The following SYNE2 variants were observed in gnomAD, a reference collection of about 807,000 sequenced individuals.
SYNE2 encodes the protein spectrin repeat containing nuclear envelope protein 2, also known as nesprin-2.
A neutral mutation model predicts 856.3 loss-of-function variants in SYNE2; 431 were observed. That is an observed-to-expected ratio of 0.50 (90% CI 0.47 to 0.55). The LOEUF (loss-of-function observed/expected upper bound fraction) is 0.55, where lower values mean the gene tolerates loss of function less well. SYNE2 is among the 20% of genes least tolerant of loss of function. The pLI, the probability that SYNE2 is intolerant of heterozygous loss-of-function variation, is 0.00. For missense variants in SYNE2, 8,129 were observed against 8,023.2 expected (o/e 1.01, Z -0.50); for synonymous variants, 2,923 against 2,872.3 (o/e 1.02, Z -0.56).
At chr14:63,933,292 A>G (rs551698390) in intron 2 of SYNE2, among the ~76,000 whole-genome samples, 12 of 152,206 alleles carry the variant, frequency 7.9e-5, no homozygotes, top group Non-Finnish European at 1.6e-4. Flanking sequence ...TCCTGGAGTC[A>G]GCATTTTAAA....
At chr14:63,948,770 G>GTGTATATA (rs1555393662) in intron 6 of SYNE2, among the ~76,000 whole-genome samples, 4,265 of 79,380 alleles carry the variant, frequency 0.054, 303 homozygotes, top group Admixed American at 0.082. Context: ...GTATATATAT[G>GTGTATATA]TATGTGTGTG....
At chr14:63,797,078 CAAAA>C (rs372872575) in intron 1 of SYNE2, among the ~76,000 whole-genome samples, 3 of 70,364 alleles carry the variant, frequency 4.3e-5, no homozygotes, top group Non-Finnish European at 6.1e-5. Context: ...GACTTCATCT[CAAAA>C]AAAAAAAAAA....
At chr14:64,188,808 C>T in intron 98 of SYNE2, 100 bp downstream of exon 98, 1 of 1,295,762 alleles carries the variant, frequency 7.7e-7, no homozygotes, top group Non-Finnish European at 1.1e-6. Flanking sequence ...CGGGTGTTTC[C>T]AGTAGCATTT....
At chr14:64,058,852 CT>C (rs2097294257) in intron 49 of SYNE2, among the ~76,000 whole-genome samples, 1 of 151,892 alleles carries the variant, frequency 6.6e-6, no homozygotes, top group African/African-American at 2.4e-5. Context: ...TTTTTCTATT[CT>C]TTTTTCTTTT....
chr14:64,043,120 C>T (rs2097160845), intron 45 of SYNE2, among the ~76,000 whole-genome samples: 1 of 152,166 alleles, frequency 6.6e-6, no homozygotes, highest in Admixed American at 6.5e-5. Context: ...GGATTGGTGG[C>T]ATTTTGCCCC....
intron 1 of SYNE2, among the ~76,000 whole-genome samples, chr14:63,873,160 A>G (rs1315308621): frequency 6.6e-6 from 1 of 152,216 alleles, no homozygotes; most frequent in African/African-American, 2.4e-5. Flanking sequence ...TTGGAGCTAC[A>G]TATAGCTACT....
intron 109 of SYNE2, 99 bp from the exon 110 acceptor site, chr14:64,219,109 T>TTTTTTTTTTTTG: frequency 1.1e-6 from 1 of 873,180 alleles, no homozygotes; most frequent in Non-Finnish European, 1.6e-6. Context: ...TTTTTGTTTT[T>TTTTTTTTTTTTG]TTTTTTTTTT....
At chr14:64,221,388 T>A (rs1318748547) in intron 111 of SYNE2, 188 bp from the exon 112 acceptor site, 27 of 1,037,626 alleles carry the variant, frequency 2.6e-5, no homozygotes, top group Non-Finnish European at 3.7e-5. Context: ...CTGTGCTGAG[T>A]GTCTTCCTTC....
At chr14:63,992,753 A>G (rs1171097896) in intron 21 of SYNE2, among the ~76,000 whole-genome samples, 4 of 152,234 alleles carry the variant, frequency 2.6e-5, no homozygotes, top group African/African-American at 9.6e-5. Context: ...ACACATGGGC[A>G]GTGGGAGCTC....
At chr14:63,871,627 A>C (rs1896878809) in intron 1 of SYNE2, among the ~76,000 whole-genome samples, 1 of 150,222 alleles carries the variant, frequency 6.7e-6, no homozygotes, top group Non-Finnish European at 1.5e-5. Context: ...TTAATCTTTC[A>C]GAGACAGGGT....
chr14:63,856,679 A>T (rs907471397), intron 1 of SYNE2, among the ~76,000 whole-genome samples: 22 of 152,200 alleles, frequency 1.4e-4, no homozygotes, highest in African/African-American at 5.1e-4. Flanking sequence ...TAAAGACAAA[A>T]TGCTTGCTTT....
Position 63,988,753 on chromosome 14 carries a change from G to A in SYNE2, c.2314-1658G>A, listed in dbSNP as rs568635119. ...TGGAGGGTGAAAGTCATGTCTATGT[G>A]GTGGCAGACAAGAGCAGAGGGCTTG... On this transcript the variant is annotated intron_variant, in intron 19 of 115. Coordinates refer to ENST00000555002, the MANE Select transcript of SYNE2 (RefSeq NM_182914.3). 9.9e-5 allele frequency among the ~76,000 whole-genome samples: 15 copies of A among 152,252 alleles called. No individual in the cohort carries two copies. The East Asian group carries it at 2.9e-3, about 29-fold the overall frequency.
At chr14:64,188,842 A>G (rs2098504254) in intron 98 of SYNE2, 134 bp downstream of exon 98, 4 of 918,402 alleles carry the variant, frequency 4.4e-6, no homozygotes, top group Non-Finnish European at 5.3e-6. Context: ...GGACTTCACT[A>G]TTTTCGATCC....
intron 1 of SYNE2, among the ~76,000 whole-genome samples, chr14:63,836,408 A>G (rs372696341): frequency 5.3e-5 from 8 of 152,216 alleles, no homozygotes; most frequent in African/African-American, 1.9e-4. Context: ...ACAATATAAG[A>G]CTGTTTCTTC....
Position 64,003,377 on chromosome 14 carries a change from T to C in SYNE2, c.4397+47T>C. On this transcript the variant is annotated intron_variant, in intron 30 of 115. Transcript: ENST00000555002. ...CCATCCAAGGTGACTGACATCTTTC[T>C]GTATTTTCACTTCTGTTAGGTGAAA... 3 of 1,611,718 alleles carry C rather than the reference T, an allele frequency of 1.9e-6. 1 individual carries two copies. The South Asian group carries it at 3.3e-5, about 18-fold the overall frequency.
At chr14:64,217,986 AC>A (rs1172560218) in intron 108 of SYNE2, among the ~76,000 whole-genome samples, 1 of 152,196 alleles carries the variant, frequency 6.6e-6, no homozygotes, top group Admixed American at 6.5e-5. Flanking sequence ...GATGCCAACC[AC>A]CTCTACAGAG....
rs71120288 is a variant in SYNE2, at chr14:63,807,819, T to TTATATATATATA, written c.-304-44647_-304-44636dup. On this transcript the variant is annotated intron_variant, in intron 1 of 23. Coordinates refer to the SYNE2 transcript ENST00000674003. Reference sequence around the variant, plus strand: ...ACAGGCATGAACTACTACTCCAGGCTTATATATATATATATATATATATAT... The same window carrying TTATATATATATA: ...ACAGGCATGAACTACTACTCCAGGCTTATATATATATATATATATATATATATATATATATAT... Among the ~76,000 whole-genome samples the TTATATATATATA allele has an allele frequency of 9.9e-3, 252 of 25,442 alleles. 11 individuals are homozygous for TTATATATATATA. Among genetic ancestry groups the TTATATATATATA allele is most frequent in the Non-Finnish European group, 0.015 (171 of 11,438 alleles). 16.7% of individuals were successfully genotyped at this position (25,442 alleles called of 152,430 possible). A position where few individuals can be genotyped will look rare whatever the true frequency, so the allele number is the denominator to read the frequency against.
In SYNE2 at chr14:64,052,703, C is replaced by G; in HGVS notation, c.8790C>G (p.Phe2930Leu). The change falls in exon 48 of 116, where the codon TTC becomes TTG. Residue 2930 changes from phenylalanine to leucine, a missense_variant. By Grantham distance (22) the Phe-to-Leu change is conservative. Around this residue, in one of 3 missense-constraint regions of SYNE2, gnomAD observed 5,410 missense variants for 5,284.8 expected, o/e 1.02. Transcript: ENST00000555002. ...TTAGGACCAACAGAATACAAAGATT[C>G]ATTCAGAATACATGTAATGAAGTGG... ...LKIRTNRIQR[F>L]IQNTCNEVEH... The G allele has an allele frequency of 6.2e-7, 1 of 1,613,732 alleles. No homozygotes were observed. Among genetic ancestry groups the G allele is most frequent in the Non-Finnish European group, 8.5e-7 (1 of 1,179,788 alleles).
At position 63,993,989 on chromosome 14, in the gene SYNE2, T is replaced by G; in HGVS notation, c.2781+20T>G. 6.2e-7 allele frequency: 1 copy of G among 1,613,038 alleles called. No individual in the cohort carries two copies. Among genetic ancestry groups the G allele is most frequent in the African/African-American group, 1.3e-5 (1 of 75,014 alleles). ...TGGGAGGTAAGAACATGCATATGTT[T>G]CTGAACTTACGTTTTTATATGTCTG... On this transcript the variant is annotated intron_variant, in intron 22 of 115. Coordinates refer to ENST00000555002, the MANE Select transcript of SYNE2 (RefSeq NM_182914.3).
Sources: gnomAD v4.1 joint callset for allele counts (sites outside exome capture counted in the v4.1 genomes callset) on GRCh38, gnomAD v4.1.1 for gene constraint, gnomAD v4.1.1 regional missense constraint, MANE v1.5 for transcripts, NCBI Gene and HGNC (gene_info 2026-07-23, HGNC 2026-07-21) for gene names.